CMC1: variants seen among roughly 807,000 people sequenced by gnomAD.
CMC1 encodes C-X9-C motif containing 1, also known as COX assembly mitochondrial protein homolog.
CMC1 carries 14 observed loss-of-function variants against 14.1 expected under a neutral mutation model. The observed-to-expected ratio is 0.99, with a 90% CI of 0.66 to 1.55. CMC1 has a LOEUF of 1.55. Among genes scored for constraint, CMC1 ranks in the 40% most tolerant of loss-of-function variants. CMC1 has a pLI of 0.00. For missense variants in CMC1, 127 were observed against 123.8 expected (o/e 1.03, Z -0.12); for synonymous variants, 50 against 38.4 (o/e 1.30, Z -1.12).
At position 28,322,913 on chromosome 3, in the gene CMC1, G is replaced by C. The variant is rs955541241; in HGVS notation, c.*3284G>C. On this transcript the variant is annotated 3_prime_UTR_variant, in exon 4 of 4. Coordinates refer to ENST00000466830, the MANE Select transcript of CMC1 (RefSeq NM_182523.2). ...TCCTACATGAAATACTTTAATTCAG[G>C]CAAAAGGTGTATGAACCAAGTAAAT... 6.6e-6 allele frequency: 1 copy of C among 150,932 alleles called. No individual in the cohort carries two copies. The highest frequency in any genetic ancestry group is 1.5e-5 in the Non-Finnish European group (1 of 67,310). The allele number at this position is 150,932 out of a possible 1,614,324, so 9.3% of individuals were successfully genotyped here. A position where few individuals can be genotyped will look rare whatever the true frequency, so the allele number is the denominator to read the frequency against.
chr3:28,261,345 G>T (rs1031879533), intron 1 of CMC1, among the ~76,000 whole-genome samples: 1 of 152,080 alleles, frequency 6.6e-6, no homozygotes, highest in Non-Finnish European at 1.5e-5. Context: ...TATCCTTAAT[G>T]ACTTGAAATC....
chr3:28,291,539 CA>C (rs1701470584), intron 2 of CMC1, among the ~76,000 whole-genome samples: 1 of 152,122 alleles, frequency 6.6e-6, no homozygotes, highest in Admixed American at 6.6e-5. Flanking sequence ...TCTGTTTTAT[CA>C]ACTATTCCTT....
At chr3:28,288,503 T>G (rs1411639592) in intron 2 of CMC1, among the ~76,000 whole-genome samples, 1 of 152,048 alleles carries the variant, frequency 6.6e-6, no homozygotes. Context: ...TGTTAAATGT[T>G]TCTTTAGGAA....
At chr3:28,269,449 A>T (rs569432862) in intron 2 of CMC1, among the ~76,000 whole-genome samples, 1 of 142,052 alleles carries the variant, frequency 7.0e-6, no homozygotes, top group African/African-American at 2.5e-5. Context: ...GAAATAAATG[A>T]AACTTTACTT....
Position 28,316,392 on chromosome 3 carries a change from A to G in CMC1, c.169A>G (p.Asn57Asp). The G allele has an allele frequency of 6.3e-7, 1 of 1,599,002 alleles. No individual in the cohort carries two copies. Among genetic ancestry groups the G allele is most frequent in the Non-Finnish European group, 8.5e-7 (1 of 1,173,534 alleles). ...TATGGTAGTAAAATGCCGGAAAGAA[A>G]ATTCTGCATTGAAAGAATGTCTAAC... is the stretch of plus-strand genomic sequence containing the variant. ...VLMVVKCRKENSALKECLTAY... is the reference protein window; with the variant it reads ...VLMVVKCRKEDSALKECLTAY... Residue 57 changes from asparagine to aspartate, a missense_variant, in exon 3 of 4, where the codon AAT becomes GAT. Coordinates refer to ENST00000466830, the MANE Select transcript of CMC1 (RefSeq NM_182523.2).
intron 1 of CMC1, among the ~76,000 whole-genome samples, chr3:28,260,552 A>G (rs1014108693): frequency 6.9e-5 from 10 of 144,120 alleles, no homozygotes; most frequent in African/African-American, 2.6e-4. Flanking sequence ...CTTTAATTTC[A>G]TTGTTTTTTT....
At chr3:28,258,915 G>A (rs1357655304) in intron 1 of CMC1, among the ~76,000 whole-genome samples, 2 of 152,044 alleles carry the variant, frequency 1.3e-5, no homozygotes, top group Non-Finnish European at 2.9e-5. Context: ...GAGCCACTGT[G>A]CCTGGCCTTG....
chr3:28,250,709 A>C (rs1699087975), intron 1 of CMC1, among the ~76,000 whole-genome samples: 1 of 152,210 alleles, frequency 6.6e-6, no homozygotes. Flanking sequence ...GGGACTTAGA[A>C]ACCACCAGTA....
At chr3:28,257,137 A>G (rs956505505) in intron 1 of CMC1, among the ~76,000 whole-genome samples, 3 of 152,228 alleles carry the variant, frequency 2.0e-5, no homozygotes, top group Admixed American at 6.5e-5. Flanking sequence ...GCAGATTTCT[A>G]TAAATTTTTA....
Position 28,305,319 on chromosome 3 carries a change from T to G in CMC1, c.110-11014T>G, listed in dbSNP as rs531006497. On this transcript the variant is annotated intron_variant, in intron 2 of 3. Transcript: ENST00000466830. ...ATATGTACCACATTTTCTTTCTCCA[T>G]TCCACTGTTGATGGACACTTAGGTT... Among the ~76,000 whole-genome samples, 23 of 152,308 alleles carry G rather than the reference T, an allele frequency of 1.5e-4. No homozygotes were observed. In the South Asian group the frequency reaches 4.6e-3, roughly 30 times the overall value.
intron 2 of CMC1, among the ~76,000 whole-genome samples, chr3:28,290,295 T>A (rs1031372132): frequency 6.6e-6 from 1 of 152,046 alleles, no homozygotes; most frequent in African/African-American, 2.4e-5. Flanking sequence ...TTAATAAGAG[T>A]CTTTGGGTTC....
intron 1 of CMC1, among the ~76,000 whole-genome samples, chr3:28,243,126 G>A (rs1196894822): frequency 6.6e-6 from 1 of 152,098 alleles, no homozygotes; most frequent in East Asian, 1.9e-4. Context: ...CGCTATCTCG[G>A]CTCACTGTAG....
At chr3:28,249,233 T>C (rs1002882883) in intron 1 of CMC1, among the ~76,000 whole-genome samples, 2 of 152,256 alleles carry the variant, frequency 1.3e-5, no homozygotes, top group Non-Finnish European at 1.5e-5. Context: ...TAAACATGAC[T>C]AATTGGAATG....
chr3:28,287,177 G>T (rs1432656268), intron 2 of CMC1, among the ~76,000 whole-genome samples: 1 of 152,074 alleles, frequency 6.6e-6, no homozygotes. Flanking sequence ...TCCAAGAACA[G>T]ACTCCAGTGA....
chr3:28,320,172 TG>T lies in CMC1; in HGVS notation c.*545del, dbSNP rs1335408496. 1 of 151,702 alleles carries T rather than the reference TG, an allele frequency of 6.6e-6. No individual in the cohort carries two copies. Among genetic ancestry groups the T allele is most frequent in the Non-Finnish European group, 1.5e-5 (1 of 67,790 alleles). The allele number at this position is 151,702 out of a possible 1,614,324, so 9.4% of individuals were successfully genotyped here. The stretch of plus-strand genomic sequence containing the variant: ...AGTGTATAAGACAGTGCTTCAGACC[TG>T]GTACATGCTCTTATATTGGTAGTTA... On this transcript the variant is annotated 3_prime_UTR_variant, in exon 4 of 4. Coordinates refer to ENST00000466830, the MANE Select transcript of CMC1 (RefSeq NM_182523.2).
rs576910387 is a variant in CMC1, at chr3:28,270,502, A to G, written c.109+7122A>G. Among the ~76,000 whole-genome samples, 31 of 152,226 alleles carry G rather than the reference A, an allele frequency of 2.0e-4. 1 individual carries two copies. The highest frequency in any genetic ancestry group is 6.0e-4 in the African/African-American group (25 of 41,516). Reference sequence around the variant, plus strand: ...TATGATTTTGATTTGCATTTCTTCAATGACCAGTGATGTTGAGCTTTTTTT... The same window carrying G: ...TATGATTTTGATTTGCATTTCTTCAGTGACCAGTGATGTTGAGCTTTTTTT... On this transcript the variant is annotated intron_variant, in intron 2 of 3. Coordinates refer to ENST00000466830, the MANE Select transcript of CMC1 (RefSeq NM_182523.2).
At chr3:28,297,880 A>G (rs1701823771) in intron 2 of CMC1, among the ~76,000 whole-genome samples, 1 of 151,886 alleles carries the variant, frequency 6.6e-6, no homozygotes, top group Admixed American at 6.6e-5. Context: ...CTGTTCATGT[A>G]TTTGTATACA....
intron 1 of CMC1, chr3:28,253,764 A>G (rs977216262): frequency 2.3e-6 from 3 of 1,280,674 alleles, no homozygotes; most frequent in Non-Finnish European, 2.0e-6. Context: ...CTTCAGGAGC[A>G]AGTAAGTGTT....
intron 2 of CMC1, among the ~76,000 whole-genome samples, chr3:28,274,235 T>TTTTTTTCTTG (rs1700463043): frequency 6.8e-6 from 1 of 146,344 alleles, no homozygotes; most frequent in Non-Finnish European, 1.5e-5. Flanking sequence ...TTTTTTTTTT[T>TTTTTTTCTTG]GCAGTGGCTA....
Sources: gnomAD v4.1 joint callset for allele counts (sites outside exome capture counted in the v4.1 genomes callset) on GRCh38, gnomAD v4.1.1 for gene constraint, MANE v1.5 for transcripts, NCBI Gene and HGNC (gene_info 2026-07-23, HGNC 2026-07-21) for gene names.